The following IL13 variants were observed in gnomAD, a reference collection of about 807,000 sequenced individuals.
IL13 encodes the protein interleukin 13.
Under a neutral mutation model 11.1 loss-of-function variants are expected in IL13, and 9 were observed. The ratio of observed to expected loss-of-function variants is 0.81; its 90% CI spans 0.49 to 1.42. The LOEUF is 1.42. Ranked by LOEUF, IL13 falls within the 40% of genes most tolerant of loss-of-function variation. The pLI is 0.00. For missense variants in IL13, 181 were observed against 182.5 expected (o/e 0.99, Z 0.05); for synonymous variants, 75 against 76.9 (o/e 0.97, Z 0.13).
At position 132,660,468 on chromosome 5, in the gene IL13, T is replaced by G; in HGVS notation, c.*186T>G. Reference sequence around the variant, plus strand: ...AGCCTAGCCGACCTCAGCCTTCCCCTTGCCCAGGGCTCAGCCTGGTGGGCC... The same window carrying G: ...AGCCTAGCCGACCTCAGCCTTCCCCGTGCCCAGGGCTCAGCCTGGTGGGCC... On this transcript the variant is annotated 3_prime_UTR_variant, in exon 4 of 4. Coordinates refer to ENST00000304506, the MANE Select transcript of IL13 (RefSeq NM_002188.3). 9.6e-7 allele frequency: 1 copy of G among 1,043,504 alleles called. No individual in the cohort carries two copies. The highest frequency in any genetic ancestry group is 1.6e-5 in the African/African-American group (1 of 61,776). The allele number at this position is 1,043,504 out of a possible 1,614,324, so 64.6% of individuals were successfully genotyped here. A position where few individuals can be genotyped will look rare whatever the true frequency, so the allele number is the denominator to read the frequency against.
chr5:132,659,514 G>A lies in IL13; in HGVS notation c.228+43G>A, dbSNP rs1215597207. The A allele has an allele frequency of 6.3e-7, 1 of 1,581,548 alleles. No individual in the cohort carries two copies. Among genetic ancestry groups the A allele is most frequent in the African/African-American group, 1.3e-5 (1 of 74,518 alleles). On this transcript the variant is annotated intron_variant, in intron 2 of 3. Coordinates refer to ENST00000304506, the MANE Select transcript of IL13 (RefSeq NM_002188.3). This position sits in a 1 kb window ranked among gnomAD's most constrained non-coding sequence, Gnocchi z 4.1. ...CAGGGAGGATGGGGCAGAGGCTCCA[G>A]GCCTTGGGCTTATCTTCTCTGAGCC...
Position 132,659,609 on chromosome 5 carries a change from T to C in IL13, c.229-115T>C. 1 of 1,593,282 alleles carries C rather than the reference T, an allele frequency of 6.3e-7. No homozygotes were observed. Among genetic ancestry groups the C allele is most frequent in the South Asian group, 1.1e-5 (1 of 89,130 alleles). ...TCCCTCCCGCCATAATCTGGCCCCTTCCCGCCCACCACCCAGACTCACCTG... is the reference window on the plus strand; with the variant it reads ...TCCCTCCCGCCATAATCTGGCCCCTCCCCGCCCACCACCCAGACTCACCTG... On this transcript the variant is annotated intron_variant, in intron 2 of 3. Coordinates refer to ENST00000304506, the MANE Select transcript of IL13 (RefSeq NM_002188.3). The surrounding 1 kb of genome is among the most constrained non-coding windows in gnomAD (Gnocchi z 4.1).
upstream of IL13, chr5:132,658,126 C>A: frequency 1.2e-6 from 1 of 853,092 alleles, no homozygotes; most frequent in Non-Finnish European, 1.9e-6. Flanking sequence ...TGGTGTCAGG[C>A]GTCACCACTT....
At chr5:132,660,152 G>A (rs776578550) in intron 3 of IL13, 23 bp from the exon 4 acceptor site, 109 of 1,611,106 alleles carry the variant, frequency 6.8e-5, no homozygotes, top group Middle Eastern at 1.6e-4. Context: ...TTCTACTCAT[G>A]TGCTGACCTC....
At position 132,659,948 on chromosome 5, in the gene IL13, T is replaced by C. The variant is rs1752117299; in HGVS notation, c.333+120T>C. On this transcript the variant is annotated intron_variant, in intron 3 of 3. Coordinates refer to ENST00000304506, the MANE Select transcript of IL13 (RefSeq NM_002188.3). The surrounding 1 kb of genome is among the most constrained non-coding windows in gnomAD (Gnocchi z 4.1). ...TGTCCACCCAGGGGTGGGGCCATTGTGGCAGCAGGGACGTGGCCTTCGGGA... is the reference window on the plus strand; with the variant it reads ...TGTCCACCCAGGGGTGGGGCCATTGCGGCAGCAGGGACGTGGCCTTCGGGA... 6.7e-7 allele frequency: 1 copy of C among 1,484,796 alleles called. No homozygotes were observed. Among genetic ancestry groups the C allele is most frequent in the African/African-American group, 1.4e-5 (1 of 71,518 alleles). The allele number at this position is 1,484,796 out of a possible 1,614,324, so 92.0% of individuals were successfully genotyped here.
chr5:132,658,023 T>A (rs1337696346), upstream of IL13: 5 of 546,816 alleles, frequency 9.1e-6, no homozygotes, highest in Non-Finnish European at 1.6e-5. Context: ...GAAATCAAAC[T>A]CTTTCCTTTA....
Position 132,660,265 on chromosome 5 carries a change from G to C in IL13, c.424G>C (p.Glu142Gln), listed in dbSNP as rs775360450. The change falls in exon 4 of 4, where the codon GAG becomes CAG. Residue 142 changes from glutamate to glutamine, a missense_variant. Glu to Gln is a conservative substitution (Grantham distance 29). Transcript: ENST00000304506. The stretch of plus-strand genomic sequence containing the variant: ...CTTACATTTAAAGAAACTTTTTCGC[G>C]AGGGACAGTTCAACTGAAACTTCGA... ...LLLHLKKLFR[E>Q]GQFN 6.2e-7 allele frequency: 1 copy of C among 1,613,936 alleles called. No individual in the cohort carries two copies. Among genetic ancestry groups the C allele is most frequent in the African/African-American group, 1.3e-5 (1 of 74,938 alleles).
At chr5:132,658,470 A>T (rs71583493) in intron 1 of IL13, 110 bp downstream of exon 1, 4 of 637,802 alleles carry the variant, frequency 6.3e-6, no homozygotes, top group African/African-American at 3.7e-5. Context: ...GTAGGTCAGG[A>T]AAAATCTCCA....
At position 132,660,170 on chromosome 5, in the gene IL13, T is replaced by C. The variant is rs201181769; in HGVS notation, c.334-5T>C. On this transcript the variant is annotated splice_region_variant and splice_polypyrimidine_tract_variant and intron_variant, in intron 3 of 3. Transcript: ENST00000304506. The stretch of plus-strand genomic sequence containing the variant: ...TACTCATGTGCTGACCTCTTTGTCC[T>C]GCAGCAGTTTTCCAGCTTGCATGTC... The C allele has an allele frequency of 5.0e-6, 8 of 1,613,964 alleles. No homozygotes were observed. The highest frequency in any genetic ancestry group is 6.8e-6 in the Non-Finnish European group (8 of 1,179,828).
upstream of IL13, chr5:132,656,627 C>G (rs913216593): frequency 1.3e-5 from 2 of 152,738 alleles, no homozygotes; most frequent in East Asian, 1.9e-4. Context: ...TTGCACAGAC[C>G]AAGGTAGTTC....
rs201804555 is a variant in IL13 at position 132,659,809 on chromosome 5, C to T, written c.314C>T (p.Pro105Leu). ...KTQRMLSGFC[P>L]HKVSAGQFSS... ...CAGAGGATGCTGAGCGGATTCTGCC[C>T]GCACAAGGTCTCAGCTGGGGTAAGG... Residue 105 changes from proline to leucine, a missense_variant, in exon 3 of 4, where the codon CCG (proline) becomes CTG (leucine). Pro to Leu is a moderately conservative substitution (Grantham distance 98, BLOSUM62 -3). Transcript: ENST00000304506. The surrounding 1 kb of genome is among the most constrained non-coding windows in gnomAD (Gnocchi z 4.1). The T allele has an allele frequency of 1.1e-5, 17 of 1,613,806 alleles. No homozygotes were observed. The highest frequency in any genetic ancestry group is 4.0e-5 in the African/African-American group (3 of 75,028).
upstream of IL13, chr5:132,657,366 T>C (rs1317048915): frequency 6.6e-6 from 1 of 152,110 alleles, no homozygotes; most frequent in Non-Finnish European, 1.5e-5. Context: ...CCATACACTT[T>C]AAATTAAAGG....
Position 132,658,285 on chromosome 5 carries a change from C to A in IL13, c.99C>A (p.Ser33=). The A allele has an allele frequency of 6.2e-7, 1 of 1,610,692 alleles. No homozygotes were observed. The highest frequency in any genetic ancestry group is 2.2e-5 in the East Asian group (1 of 44,862). The change falls in exon 1 of 4, where the codon TCC becomes TCA. Residue 33 remains serine (S), a synonymous_variant. Coordinates refer to ENST00000304506, the MANE Select transcript of IL13 (RefSeq NM_002188.3). ...TCACTTGCCTTGGCGGCTTTGCCTC[C>A]CCAGGCCCTGTGCCTCCCTCTACAG... ...IALTCLGGFA[S]PGPVPPSTAL...
Position 132,659,714 on chromosome 5 carries a change from C to A in IL13, c.229-10C>A. 1 of 1,613,352 alleles carries A rather than the reference C, an allele frequency of 6.2e-7. No individual in the cohort carries two copies. The highest frequency in any genetic ancestry group is 8.5e-7 in the Non-Finnish European group (1 of 1,179,638). On this transcript the variant is annotated splice_polypyrimidine_tract_variant and intron_variant, in intron 2 of 3. Transcript: ENST00000304506. This position sits in a 1 kb window ranked among gnomAD's most constrained non-coding sequence, Gnocchi z 4.1. ...GCAGGGCCTGACCCCTCGGTGTCCC[C>A]TCCCCACAGTACTGTGCAGCCCTGG...
rs780855186 is a variant in IL13, at chr5:132,659,783, C to T, written c.288C>T (p.Thr96=). ...NVSGCSAIEK[T]QRMLSGFCPH... ...CAGGCTGCAGTGCCATCGAGAAGAC[C>T]CAGAGGATGCTGAGCGGATTCTGCC... The change falls in exon 3 of 4, where the codon ACC becomes ACT. Residue 96 remains threonine (T), a synonymous_variant. Coordinates refer to ENST00000304506, the MANE Select transcript of IL13 (RefSeq NM_002188.3). The surrounding 1 kb of genome is among the most constrained non-coding windows in gnomAD (Gnocchi z 4.1). 3 of 1,613,910 alleles carry T rather than the reference C, an allele frequency of 1.9e-6. No individual in the cohort carries two copies. Among genetic ancestry groups the T allele is most frequent in the Non-Finnish European group, 2.5e-6 (3 of 1,180,012 alleles).
upstream of IL13, among the ~76,000 whole-genome samples, chr5:132,657,918 G>A (rs1278254195): frequency 6.6e-6 from 1 of 152,112 alleles, no homozygotes; most frequent in Non-Finnish European, 1.5e-5. Context: ...CATTGCAAAT[G>A]CCACGCCGCT....
In IL13 at chr5:132,659,113, G is replaced by A. The variant is rs546325991; in HGVS notation, c.175-305G>A. 154 of 383,958 alleles carry A rather than the reference G, an allele frequency of 4.0e-4. 2 individuals are homozygous for A. The highest frequency in any genetic ancestry group is 7.2e-4 in the Non-Finnish European group (145 of 201,680). The allele number at this position is 383,958 out of a possible 1,614,324, so 23.8% of individuals were successfully genotyped here. On this transcript the variant is annotated intron_variant, in intron 1 of 3. Transcript: ENST00000304506. The surrounding 1 kb of genome is among the most constrained non-coding windows in gnomAD (Gnocchi z 4.1). ...TCCTACTTCACTCGTCCCCACCCTG[G>A]CCCTTCCCGCAGGCCCCTGTCCTCC...
chr5:132,658,436 G>A (rs1752081788), intron 1 of IL13, 76 bp downstream of exon 1: 1 of 858,326 alleles, frequency 1.2e-6, no homozygotes, highest in Non-Finnish European at 1.8e-6. Context: ...TCATGAGCAG[G>A]CTGGGCCTGG....
chr5:132,660,496 C>G lies in IL13; in HGVS notation c.*214C>G. The G allele has an allele frequency of 1.4e-6, 1 of 725,354 alleles. No individual in the cohort carries two copies. The highest frequency in any genetic ancestry group is 2.1e-6 in the Non-Finnish European group (1 of 477,138). 44.9% of individuals were successfully genotyped at this position (725,354 alleles called of 1,614,324 possible). On this transcript the variant is annotated 3_prime_UTR_variant, in exon 4 of 4. Transcript: ENST00000304506. ...CCCAGGGCTCAGCCTGGTGGGCCTC[C>G]TCTGTCCAGGGCCCTGAGCTCGGTG...
Sources: allele counts gnomAD v4.1 joint callset (sites outside exome capture counted in the v4.1 genomes callset), GRCh38; gene constraint gnomAD v4.1.1; non-coding constraint Gnocchi (gnomAD v3.1); transcripts MANE v1.5; gene names NCBI Gene and HGNC (gene_info 2026-07-23, HGNC 2026-07-21).